The following HECW2 variants were observed in gnomAD, a reference collection of about 807,000 sequenced individuals.
HECW2 encodes HECT, C2 and WW domain containing E3 ubiquitin protein ligase 2.
Under a neutral mutation model 175.2 loss-of-function variants are expected in HECW2, and 61 were observed. The ratio of observed to expected loss-of-function variants is 0.35; its 90% CI spans 0.28 to 0.43. HECW2 has a LOEUF of 0.43. Ranked by LOEUF, HECW2 falls within the 20% of genes least tolerant of loss-of-function variation. The probability of loss-of-function intolerance (pLI) is 1.00; values close to 1 mark genes in which losing one functional copy is unlikely to be tolerated. For synonymous variants in HECW2, 671 were observed against 731.0 expected (o/e 0.92, Z 1.32); for missense variants, 1,524 against 2,000.5 (o/e 0.76, Z 4.54).
At chr2:196,521,282 C>CAAAAAAAA (rs1158051512) in intron 1 of HECW2, among the ~76,000 whole-genome samples, 8 of 53,682 alleles carry the variant, frequency 1.5e-4, no homozygotes, top group Non-Finnish European at 2.4e-4. Context: ...ACGTGAGTAA[C>CAAAAAAAA]AAAAAAAAAA....
intron 1 of HECW2, among the ~76,000 whole-genome samples, chr2:196,464,910 C>CGCA: frequency 6.6e-6 from 1 of 152,108 alleles, no homozygotes; most frequent in Non-Finnish European, 1.5e-5. Context: ...GGAATGGTGG[C>CGCA]GCACACCTAT....
chr2:196,368,785 T>C (rs1221994210), intron 2 of HECW2, among the ~76,000 whole-genome samples: 2 of 152,172 alleles, frequency 1.3e-5, no homozygotes, highest in African/African-American at 4.8e-5. Context: ...AATATGTCAG[T>C]TGCATTTCCA....
At chr2:196,587,740 C>A (rs1691036277) in intron 1 of HECW2, among the ~76,000 whole-genome samples, 1 of 152,170 alleles carries the variant, frequency 6.6e-6, no homozygotes, top group African/African-American at 2.4e-5. Flanking sequence ...CCAGTGCAGT[C>A]TTTGCAGCAC....
intron 1 of HECW2, among the ~76,000 whole-genome samples, chr2:196,499,894 T>C (rs572407050): frequency 6.6e-6 from 1 of 152,304 alleles, no homozygotes; most frequent in Non-Finnish European, 1.5e-5. Context: ...CATTCTGAGT[T>C]AATGATTATG....
At chr2:196,309,965 G>C (rs933294632) in intron 10 of HECW2, among the ~76,000 whole-genome samples, 1 of 152,138 alleles carries the variant, frequency 6.6e-6, no homozygotes, top group Non-Finnish European at 1.5e-5. Flanking sequence ...ATTTTTTCCT[G>C]GAACTAACAA....
Position 196,334,490 on chromosome 2 carries a change from G to A in HECW2, c.429C>T (p.Tyr143=), listed in dbSNP as rs1692479656. ...CTCGCAGGGCTCCACTAATGCCGTG[G>A]TAATATTTAAAACAGATTTTTATCT... ...EPEIKICFKY[Y]HGISGALRAT... The change falls in exon 4 of 29, where the codon TAC becomes TAT. Residue 143 remains tyrosine (Y), a synonymous_variant. Coordinates refer to ENST00000644978, the MANE Select transcript of HECW2 (RefSeq NM_001348768.2). 1 of 1,606,918 alleles carries A rather than the reference G, an allele frequency of 6.2e-7. No individual in the cohort carries two copies. The highest frequency in any genetic ancestry group is 8.5e-7 in the Non-Finnish European group (1 of 1,176,762).
intron 2 of HECW2, among the ~76,000 whole-genome samples, chr2:196,428,513 T>C (rs1005317920): frequency 2.6e-5 from 4 of 152,190 alleles, no homozygotes; most frequent in Non-Finnish European, 4.4e-5. Flanking sequence ...AAATGTATCA[T>C]TTTACCTACT....
intron 1 of HECW2, among the ~76,000 whole-genome samples, chr2:196,451,665 C>T (rs1311408377): frequency 6.6e-6 from 1 of 151,992 alleles, no homozygotes; most frequent in Non-Finnish European, 1.5e-5. Context: ...TTTGGGAGGC[C>T]AAGGCAAGAG....
At chr2:196,277,996 G>T in intron 15 of HECW2, among the ~76,000 whole-genome samples, 1 of 71,958 alleles carries the variant, frequency 1.4e-5, no homozygotes, top group Non-Finnish European at 2.6e-5. Context: ...GGGGAGGGGG[G>T]AGGGATAGCA....
intron 2 of HECW2, among the ~76,000 whole-genome samples, chr2:196,377,638 G>A (rs1339703030): frequency 6.6e-6 from 1 of 152,180 alleles, no homozygotes; most frequent in Non-Finnish European, 1.5e-5. Flanking sequence ...GGAACTGTGG[G>A]AGCCACAGTT....
At chr2:196,282,808 G>C (rs1690236251) in intron 14 of HECW2, among the ~76,000 whole-genome samples, 1 of 152,124 alleles carries the variant, frequency 6.6e-6, no homozygotes, top group Admixed American at 6.5e-5. Context: ...CTGGTCAGCT[G>C]CAAGGCATAT....
intron 21 of HECW2, among the ~76,000 whole-genome samples, chr2:196,236,328 T>G (rs1041402716): frequency 6.6e-6 from 1 of 152,232 alleles, no homozygotes; most frequent in Non-Finnish European, 1.5e-5. Flanking sequence ...GAATCCTGAC[T>G]GCATATTTTC....
At chr2:196,227,411 A>C (rs966035352) in intron 22 of HECW2, among the ~76,000 whole-genome samples, 1 of 152,186 alleles carries the variant, frequency 6.6e-6, no homozygotes, top group African/African-American at 2.4e-5. Context: ...TTTTCAGCAT[A>C]AATAATCTTC....
chr2:196,573,006 C>T lies in HECW2; in HGVS notation c.-36+20502G>A, dbSNP rs540625747. 2.0e-5 allele frequency among the ~76,000 whole-genome samples: 3 copies of T among 152,258 alleles called. No homozygotes were observed. In the East Asian group the frequency reaches 5.8e-4, roughly 29 times the overall value. On this transcript the variant is annotated intron_variant, in intron 1 of 28. Coordinates refer to ENST00000644978, the MANE Select transcript of HECW2 (RefSeq NM_001348768.2). ...CAAATTAAAAGTCTTTTAAAATCTA[C>T]ACATGGACTTTTCTTTAAGTATGTA...
At chr2:196,221,652 C>G (rs928802948) in intron 24 of HECW2, among the ~76,000 whole-genome samples, 1 of 152,140 alleles carries the variant, frequency 6.6e-6, no homozygotes, top group African/African-American at 2.4e-5. Context: ...CTCAACCTCT[C>G]CAGCTCAGGT....
intron 1 of HECW2, among the ~76,000 whole-genome samples, chr2:196,583,481 G>A (rs1690866889): frequency 6.6e-6 from 1 of 152,170 alleles, no homozygotes; most frequent in African/African-American, 2.4e-5. Flanking sequence ...AATAAGTCTG[G>A]TGTGGTGCCT....
chr2:196,573,866 AC>A (rs200352348), intron 1 of HECW2, among the ~76,000 whole-genome samples: 1,847 of 151,946 alleles, frequency 0.012, 39 homozygotes, highest in African/African-American at 0.043. Flanking sequence ...CTCAACAACA[AC>A]AACAAAAAAA....
chr2:196,461,694 C>T (rs576334040), intron 1 of HECW2, among the ~76,000 whole-genome samples: 2 of 152,204 alleles, frequency 1.3e-5, no homozygotes, highest in African/African-American at 4.8e-5. Context: ...ACCTTCTTCA[C>T]AAGGTGGCAG....
At chr2:196,528,974 G>A (rs1688758125) in intron 1 of HECW2, among the ~76,000 whole-genome samples, 1 of 152,198 alleles carries the variant, frequency 6.6e-6, no homozygotes, top group Admixed American at 6.5e-5. Flanking sequence ...CCAGAACCAG[G>A]AGAGTGATTT....
Sources: gnomAD v4.1 joint callset for allele counts (sites outside exome capture counted in the v4.1 genomes callset) on GRCh38, gnomAD v4.1.1 for gene constraint, MANE v1.5 for transcripts, NCBI Gene and HGNC (gene_info 2026-07-23, HGNC 2026-07-21) for gene names.